Variants in NCOR2 observed in about 807,000 individuals in gnomAD.
NCOR2 encodes nuclear receptor corepressor 2, also known as CTG repeat protein 26.
In NCOR2, 81 loss-of-function variants were observed where a neutral mutation model predicts 262.9. The ratio of observed to expected loss-of-function variants is 0.31; its 90% confidence interval spans 0.26 to 0.37. The LOEUF (loss-of-function observed/expected upper bound fraction) is 0.37, where lower values mean the gene tolerates loss of function less well. NCOR2 is among the 10% of genes least tolerant of loss of function. The pLI, the probability that NCOR2 is intolerant of heterozygous loss-of-function variation, is 1.00. For synonymous variants in NCOR2, 1,659 were observed against 1,559.3 expected, an observed-to-expected ratio of 1.06 and a Z score of -1.51; for missense variants, 3,385 against 3,621.4, an observed-to-expected ratio of 0.93 and a Z score of 1.68.
intron 1 of NCOR2, among the ~76,000 whole-genome samples, chr12:124,562,671 A>G (rs975747673): frequency 1.3e-5 from 2 of 152,208 alleles, no homozygotes; most frequent in African/African-American, 2.4e-5. Context: ...TGAAACACCA[A>G]CGACCAACGG....
At chr12:124,336,622 C>T (rs2035931155) in intron 38 of NCOR2, 131 bp downstream of exon 40, 12 of 1,487,750 alleles carry the variant, frequency 8.1e-6, no homozygotes, top group South Asian at 4.1e-5. Context: ...GGGGTGGGTG[C>T]GGGCCGGAAG....
At chr12:124,470,328 C>T (rs2046767198) in intron 4 of NCOR2, among the ~76,000 whole-genome samples, 1 of 152,206 alleles carries the variant, frequency 6.6e-6, no homozygotes, top group Non-Finnish European at 1.5e-5. Context: ...TACTGTACGA[C>T]ACGACCCAGC....
rs1011101267 is a variant in NCOR2, at chr12:124,332,241, G to T, written c.6904+78C>A. The T allele has an allele frequency of 5.7e-6, 9 of 1,565,482 alleles. No homozygotes were observed. The African/African-American group carries it at 1.2e-4, about 21-fold the overall frequency. On this transcript the variant is annotated intron_variant, in intron 43 of 46. Transcript: ENST00000405201. The stretch of plus-strand genomic sequence containing the variant: ...AGGTGCACCGTGGGTTTCTGCCACT[G>T]GGCGGCTCCAGCTGCCCAGGCAGGC...
At position 124,347,789 on chromosome 12, in the gene NCOR2, T is replaced by C. The variant is rs369790897; in HGVS notation, c.4072+36A>G. The C allele has an allele frequency of 2.7e-4, 426 of 1,549,606 alleles. 2 individuals carry two copies. The highest frequency in any genetic ancestry group is 3.3e-4 in the Non-Finnish European group (383 of 1,144,910). ...CGCGCCCTGCGTGACTGTACACCCG[T>C]TGGGGGCAACGAGGGAGCAGGGAAC... On this transcript the variant is annotated intron_variant, in intron 30 of 46. Transcript: ENST00000405201.
At chr12:124,419,860 A>G in intron 13 of NCOR2, 97 bp downstream of exon 15, 1 of 1,089,888 alleles carries the variant, frequency 9.2e-7, no homozygotes, top group African/African-American at 1.5e-5. Context: ...TCATGGAGAC[A>G]GTTACCGCCA....
chr12:124,360,816 C>T (rs1459827199), intron 22 of NCOR2, among the ~76,000 whole-genome samples: 1 of 51,284 alleles, frequency 1.9e-5, no homozygotes, highest in African/African-American at 4.2e-5. Context: ...GGGTCCTTCC[C>T]GGAGCCGCTC....
intron 16 of NCOR2, among the ~76,000 whole-genome samples, chr12:124,388,515 G>A (rs2040987320): frequency 1.3e-5 from 2 of 152,126 alleles, no homozygotes; most frequent in African/African-American, 4.8e-5. Context: ...GCCCAGCAGG[G>A]AGAGAGAGGA....
intron 13 of NCOR2, among the ~76,000 whole-genome samples, chr12:124,403,003 G>A (rs972610293): frequency 6.6e-6 from 1 of 152,150 alleles, no homozygotes; most frequent in Non-Finnish European, 1.5e-5. Context: ...CATCTGGCCC[G>A]GATATTTAAG....
intron 1 of NCOR2, among the ~76,000 whole-genome samples, chr12:124,544,366 A>G (rs1451013371): frequency 6.6e-6 from 1 of 152,084 alleles, no homozygotes; most frequent in Non-Finnish European, 1.5e-5. Flanking sequence ...TGAACAGAAA[A>G]ACCACTGCAG....
At chr12:124,335,711 T>C in intron 38 of NCOR2, 79 bp from the exon 41 acceptor site, 2 of 1,483,802 alleles carry the variant, frequency 1.3e-6, no homozygotes, top group Non-Finnish European at 9.0e-7. Context: ...CCCTCCCAGC[T>C]GGCTGGGACC....
chr12:124,486,543 T>G lies in NCOR2; in HGVS notation c.131A>C (p.His44Pro). The change falls in exon 2 of 47, where the codon CAC (histidine) becomes CCC (proline). Residue 44 changes from histidine to proline, a missense_variant. Around this residue, in one of 5 missense-constraint regions of NCOR2, gnomAD observed 237 missense variants for 229.4 expected, o/e 1.03. Transcript: ENST00000405201. ...GTGGGAGGCATAGTCGCGGGAGTGG[T>G]GCTGGTACTCCAGGAGCCCGACGTC... 1 of 1,589,664 alleles carries G rather than the reference T, an allele frequency of 6.3e-7. No homozygotes were observed. Among genetic ancestry groups the G allele is most frequent in the East Asian group, 2.3e-5 (1 of 43,516 alleles).
intron 1 of NCOR2, among the ~76,000 whole-genome samples, chr12:124,559,143 A>G (rs1249231740): frequency 6.6e-6 from 1 of 152,174 alleles, no homozygotes; most frequent in Non-Finnish European, 1.5e-5. Flanking sequence ...TCCACCTCCA[A>G]CAGCCCACCC....
At chr12:124,485,599 A>G (rs1028620662) in intron 2 of NCOR2, among the ~76,000 whole-genome samples, 2 of 152,230 alleles carry the variant, frequency 1.3e-5, no homozygotes, top group African/African-American at 4.8e-5. Context: ...ATCCAGGTAC[A>G]GAAGGCACGC....
At position 124,335,790 on chromosome 12, in the gene NCOR2, G is replaced by A. The variant is rs540522795; in HGVS notation, c.6116-158C>T. 24 of 782,962 alleles carry A rather than the reference G, an allele frequency of 3.1e-5. No homozygotes were observed. In the South Asian group the frequency reaches 3.6e-4, roughly 12 times the overall value. 48.5% of individuals were successfully genotyped at this position (782,962 alleles called of 1,614,324 possible). ...CTCCCAAAGACAGTAAGGCAGAGAG[G>A]GGTGTTGGGGAGAGACAGGGAGGCC... On this transcript the variant is annotated intron_variant, in intron 38 of 46. Transcript: ENST00000405201.
rs539924443 is a variant in NCOR2, at chr12:124,563,284, C to T, written c.-165+4024G>A. On this transcript the variant is annotated intron_variant, in intron 1 of 32. Coordinates refer to the NCOR2 transcript ENST00000458234. ...TAATATCTGGTTAGGACAATTCTTT[C>T]TAGATTTATAAACCAAAAGCTCCTT... 7.2e-5 allele frequency among the ~76,000 whole-genome samples: 11 copies of T among 152,226 alleles called. 1 individual carries two copies. Among genetic ancestry groups the T allele is most frequent in the Admixed American group, 1.3e-4 (2 of 15,286 alleles).
At chr12:124,355,448 A>G in exon 24 of NCOR2, 1 of 1,613,282 alleles carries the variant, frequency 6.2e-7, no homozygotes, top group South Asian at 1.1e-5. Flanking sequence ...GATGGCACCT[A>G]TTTGCCTCTC....
At chr12:124,496,386 A>G (rs1405129031), upstream of NCOR2, among the ~76,000 whole-genome samples, 1 of 151,972 alleles carries the variant, frequency 6.6e-6, no homozygotes, top group African/African-American at 2.4e-5. The surrounding 1 kb of genome is among the most constrained non-coding windows in gnomAD (Gnocchi z 4.4). Context: ...GTCCTGCCTC[A>G]TGCAAAGCCC....
At chr12:124,480,290 C>T (rs533743976) in intron 3 of NCOR2, among the ~76,000 whole-genome samples, 1 of 152,278 alleles carries the variant, frequency 6.6e-6, no homozygotes, top group South Asian at 2.1e-4. Context: ...GGGAGGGGCC[C>T]GTGTCACAGC....
exon 20 of NCOR2, chr12:124,372,150 T>C: frequency 1.2e-6 from 2 of 1,601,502 alleles, no homozygotes; most frequent in Non-Finnish European, 1.7e-6. Flanking sequence ...CCTTCTTCTC[T>C]GCCTTGAGCG....
Sources: allele counts gnomAD v4.1 joint callset (sites outside exome capture counted in the v4.1 genomes callset), GRCh38; gene constraint gnomAD v4.1.1; regional missense constraint gnomAD v4.1.1; non-coding constraint Gnocchi (gnomAD v3.1); transcripts MANE v1.5; gene names NCBI Gene and HGNC (gene_info 2026-07-23, HGNC 2026-07-21).